The following RNLS variants were observed in gnomAD, a reference collection of about 807,000 sequenced individuals.
RNLS encodes renalase, FAD dependent amine oxidase, also known as renalase.
A neutral mutation model predicts 39.8 loss-of-function variants in RNLS; 39 were observed. The ratio of observed to expected loss-of-function variants is 0.98; its 90% CI spans 0.76 to 1.28. RNLS has a LOEUF of 1.28. Ranked by LOEUF, RNLS falls within the 50% of genes most tolerant of loss-of-function variation. The pLI, the probability that RNLS is intolerant of heterozygous loss-of-function variation, is 0.00. For missense variants in RNLS, 410 were observed against 413.3 expected (o/e 0.99, Z 0.07); for synonymous variants, 147 against 150.7 (o/e 0.98, Z 0.18).
At chr10:88,347,633 G>A (rs1476627577) in intron 5 of RNLS, among the ~76,000 whole-genome samples, 5 of 151,956 alleles carry the variant, frequency 3.3e-5, no homozygotes, top group Admixed American at 3.3e-4. Flanking sequence ...AGCAATGATG[G>A]ATATAAAGCA....
intron 4 of RNLS, among the ~76,000 whole-genome samples, chr10:88,475,435 T>C (rs1843758322): frequency 6.6e-6 from 1 of 152,202 alleles, no homozygotes; most frequent in South Asian, 2.1e-4. Context: ...TGAAATCTAA[T>C]AGCAATTTAA....
At chr10:88,438,621 C>T (rs190205080) in intron 4 of RNLS, among the ~76,000 whole-genome samples, 1 of 152,140 alleles carries the variant, frequency 6.6e-6, no homozygotes, top group Non-Finnish European at 1.5e-5. Flanking sequence ...CCCTCTCTCT[C>T]GAGAACCACA....
the RNLS span, among the ~76,000 whole-genome samples, chr10:88,198,275 G>A: frequency 6.6e-6 from 1 of 152,226 alleles, no homozygotes; most frequent in African/African-American, 2.4e-5. Flanking sequence ...CAGAGCATAG[G>A]CTCGTGCATT....
intron 4 of RNLS, among the ~76,000 whole-genome samples, chr10:88,444,091 C>T (rs931981652): frequency 6.6e-6 from 1 of 152,188 alleles, no homozygotes; most frequent in African/African-American, 2.4e-5. Flanking sequence ...AGACTGACAC[C>T]TCACACGGCT....
At chr10:88,308,890 C>T (rs7905600) in intron 6 of RNLS, among the ~76,000 whole-genome samples, 44,103 of 151,798 alleles carry the variant, frequency 0.29, 8,277 homozygotes, top group African/African-American at 0.52. Context: ...CAATGATAGA[C>T]TGGATAAAGA....
chr10:88,376,153 CA>C lies in RNLS; in HGVS notation c.527-13429del, dbSNP rs36090497. Among the ~76,000 whole-genome samples, 603 of 152,136 alleles carry C rather than the reference CA, an allele frequency of 4.0e-3. 2 individuals are homozygous for C. The highest frequency in any genetic ancestry group is 6.1e-3 in the Non-Finnish European group (418 of 67,976). Reference sequence around the variant, plus strand: ...AGATTCCCAGGGAGGGGATTCATGACAATTTAGTTCCTTTTGGGGGCTGTCT... The same window carrying C: ...AGATTCCCAGGGAGGGGATTCATGACATTTAGTTCCTTTTGGGGGCTGTCT... On this transcript the variant is annotated intron_variant, in intron 4 of 6. Coordinates refer to ENST00000331772, the MANE Select transcript of RNLS (RefSeq NM_001031709.3).
At chr10:88,462,198 T>C (rs939965906) in intron 4 of RNLS, among the ~76,000 whole-genome samples, 3 of 152,084 alleles carry the variant, frequency 2.0e-5, no homozygotes, top group Non-Finnish European at 4.4e-5. Context: ...TAGATATACA[T>C]ATTTTTAATT....
intron 5 of RNLS, among the ~76,000 whole-genome samples, chr10:88,358,799 T>A (rs1269220981): frequency 6.6e-6 from 1 of 152,232 alleles, no homozygotes; most frequent in African/African-American, 2.4e-5. Flanking sequence ...TATGCCTTGA[T>A]CTTTGGGCTA....
intron 6 of RNLS, among the ~76,000 whole-genome samples, chr10:88,275,896 AC>A (rs1332912350): frequency 6.6e-6 from 1 of 151,720 alleles, no homozygotes; most frequent in Admixed American, 6.6e-5. Flanking sequence ...TAGAACAACA[AC>A]AAAAAAATTA....
intron 4 of RNLS, among the ~76,000 whole-genome samples, chr10:88,558,641 G>A (rs535939223): frequency 4.6e-5 from 7 of 152,246 alleles, no homozygotes; most frequent in Admixed American, 2.0e-4. Context: ...TGTGGAAGGT[G>A]GCAGAGAGGT....
At chr10:88,504,596 T>G (rs1013677662) in intron 4 of RNLS, among the ~76,000 whole-genome samples, 2 of 151,980 alleles carry the variant, frequency 1.3e-5, no homozygotes, top group Non-Finnish European at 2.9e-5. Context: ...AAGTAAACCC[T>G]AAAAGGGAAT....
the RNLS span, among the ~76,000 whole-genome samples, chr10:88,240,406 C>CTCTTT: frequency 9.2e-6 from 1 of 108,558 alleles, no homozygotes; most frequent in Admixed American, 8.9e-5. Flanking sequence ...GCAAAAAGTC[C>CTCTTT]TTTTTTTAAA....
chr10:88,342,752 G>A (rs1002832481), intron 5 of RNLS, among the ~76,000 whole-genome samples: 1 of 152,198 alleles, frequency 6.6e-6, no homozygotes, highest in African/African-American at 2.4e-5. Context: ...AGTCTAGGTA[G>A]AGAACAGAAT....
downstream of RNLS, among the ~76,000 whole-genome samples, chr10:88,271,673 C>T (rs989496685): frequency 3.3e-5 from 5 of 152,100 alleles, no homozygotes; most frequent in African/African-American, 7.2e-5. Flanking sequence ...TCACCCCGTC[C>T]GGTTTCATTT....
At position 88,449,372 on chromosome 10, in the gene RNLS, A is replaced by C. The variant is rs181470038; in HGVS notation, c.527-86647T>G. On this transcript the variant is annotated intron_variant, in intron 4 of 6. Coordinates refer to ENST00000331772, the MANE Select transcript of RNLS (RefSeq NM_001031709.3). ...TCCAGATCCCTGTGGATGGAATAAAACTCTTTTCCACGTGTTTAATTAGCT... is the reference window on the plus strand; with the variant it reads ...TCCAGATCCCTGTGGATGGAATAAACCTCTTTTCCACGTGTTTAATTAGCT... Among the ~76,000 whole-genome samples, 89 of 152,138 alleles carry C rather than the reference A, an allele frequency of 5.8e-4. 1 individual carries two copies. The East Asian group carries it at 0.012, about 21-fold the overall frequency.
At chr10:88,540,165 C>T (rs566653090) in intron 4 of RNLS, among the ~76,000 whole-genome samples, 8 of 152,090 alleles carry the variant, frequency 5.3e-5, no homozygotes, top group Non-Finnish European at 7.4e-5. Context: ...CAATATGCTA[C>T]GCTATCATGC....
intron 4 of RNLS, among the ~76,000 whole-genome samples, chr10:88,438,612 C>CCT (rs1158057716): frequency 6.6e-6 from 1 of 152,124 alleles, no homozygotes; most frequent in Non-Finnish European, 1.5e-5. Context: ...CCTTTCTTTC[C>CCT]CTCTCTCTCG....
chr10:88,496,837 T>C (rs1845202133), intron 4 of RNLS, among the ~76,000 whole-genome samples: 1 of 152,156 alleles, frequency 6.6e-6, no homozygotes, highest in Admixed American at 6.6e-5. Context: ...ATAATCTACT[T>C]AGTCTTTCTT....
intron 5 of RNLS, among the ~76,000 whole-genome samples, chr10:88,355,176 G>GCC (rs1564724348): frequency 1.3e-5 from 2 of 151,550 alleles, no homozygotes; most frequent in Non-Finnish European, 2.9e-5. Flanking sequence ...CCTTTAGCTT[G>GCC]GAGAAGTTTG....
Sources: gnomAD v4.1 joint callset for allele counts (sites outside exome capture counted in the v4.1 genomes callset) on GRCh38, gnomAD v4.1.1 for gene constraint, MANE v1.5 for transcripts, NCBI Gene and HGNC (gene_info 2026-07-23, HGNC 2026-07-21) for gene names.